DPF3: variants seen among roughly 807,000 people sequenced by gnomAD.
DPF3 encodes double PHD fingers 3, also known as zinc finger protein DPF3.
Under a neutral mutation model 56.8 loss-of-function variants are expected in DPF3, and 18 were observed. The observed-to-expected ratio is 0.32, with a 90% CI of 0.22 to 0.47. The LOEUF is 0.47. Ranked by LOEUF, DPF3 falls within the 20% of genes least tolerant of loss-of-function variation. The pLI is 1.00. For missense variants in DPF3, 403 were observed against 488.8 expected, an observed-to-expected ratio of 0.82 and a Z score of 1.65; for synonymous variants, 188 against 180.2, an observed-to-expected ratio of 1.04 and a Z score of -0.35.
intron 1 of DPF3, among the ~76,000 whole-genome samples, chr14:72,869,774 T>C (rs1262566672): frequency 5.4e-4 from 82 of 152,240 alleles, no homozygotes; most frequent in Non-Finnish European, 8.8e-5. Flanking sequence ...CTATCAGGAC[T>C]CAGAGAGAGA....
chr14:72,703,998 T>C (rs1341285579), intron 6 of DPF3, among the ~76,000 whole-genome samples: 1 of 152,210 alleles, frequency 6.6e-6, no homozygotes, highest in African/African-American at 2.4e-5. Flanking sequence ...TTTTACACAA[T>C]TTCTCATTGA....
intron 1 of DPF3, among the ~76,000 whole-genome samples, chr14:72,794,139 T>C (rs2139988532): frequency 6.6e-6 from 1 of 152,378 alleles, no homozygotes; most frequent in South Asian, 2.1e-4. Flanking sequence ...TTGAACTCTG[T>C]GAGCTTCACT....
chr14:72,762,642 T>C (rs1159400884), intron 2 of DPF3, among the ~76,000 whole-genome samples: 1 of 151,886 alleles, frequency 6.6e-6, no homozygotes, highest in Non-Finnish European at 1.5e-5. Context: ...ATGTCATACT[T>C]AATAACAAAA....
At chr14:72,777,783 C>G (rs984203524) in intron 1 of DPF3, among the ~76,000 whole-genome samples, 1 of 152,136 alleles carries the variant, frequency 6.6e-6, no homozygotes, top group Non-Finnish European at 1.5e-5. Context: ...GCCTCCTCCC[C>G]CTTTGCCTTC....
chr14:72,861,005 C>T (rs1408157090), intron 1 of DPF3, among the ~76,000 whole-genome samples: 1 of 151,122 alleles, frequency 6.6e-6, no homozygotes, highest in African/African-American at 2.4e-5. Context: ...GTAGCCTGTG[C>T]TTTCTTATCT....
chr14:72,693,643 C>T (rs971024687), intron 6 of DPF3, among the ~76,000 whole-genome samples: 1 of 152,144 alleles, frequency 6.6e-6, no homozygotes, highest in Non-Finnish European at 1.5e-5. Context: ...ACGTTGAATT[C>T]AAAGGGCACT....
intron 1 of DPF3, among the ~76,000 whole-genome samples, chr14:72,794,076 A>G (rs754408966): frequency 5.1e-4 from 77 of 152,216 alleles, no homozygotes; most frequent in Non-Finnish European, 1.3e-4. Flanking sequence ...GGGCACTGGC[A>G]TGAGGACACC....
rs1278827674 is a variant in DPF3, at chr14:72,756,888, A to G, written c.194-3517T>C. Among the ~76,000 whole-genome samples, 34 of 109,338 alleles carry G rather than the reference A, an allele frequency of 3.1e-4. 1 individual carries two copies. Among genetic ancestry groups the G allele is most frequent in the African/African-American group, 1.2e-3 (30 of 25,502 alleles). 71.7% of individuals were successfully genotyped at this position (109,338 alleles called of 152,430 possible). A position where few individuals can be genotyped will look rare whatever the true frequency, so the allele number is the denominator to read the frequency against. ...AGAAAGAAAGGAAGGAAAGAAGGAA[A>G]GAAAGAAAGAAAAGAAAAAAAGAAA... On this transcript the variant is annotated intron_variant, in intron 2 of 10. Coordinates refer to ENST00000556509, the MANE Select transcript of DPF3 (RefSeq NM_001280542.3).
intron 1 of DPF3, among the ~76,000 whole-genome samples, chr14:72,849,490 T>A (rs576539236): frequency 6.6e-6 from 1 of 152,302 alleles, no homozygotes; most frequent in African/African-American, 2.4e-5. Context: ...CGGGGCCGCC[T>A]TCCTGCCTGT....
chr14:72,704,522 C>T (rs771914686), intron 6 of DPF3, among the ~76,000 whole-genome samples: 3 of 152,060 alleles, frequency 2.0e-5, no homozygotes, highest in Non-Finnish European at 4.4e-5. Flanking sequence ...GTGTGATTCC[C>T]CACCCCCTGC....
At chr14:72,698,505 CA>C in intron 6 of DPF3, among the ~76,000 whole-genome samples, 1 of 151,442 alleles carries the variant, frequency 6.6e-6, no homozygotes, top group African/African-American at 2.4e-5. Flanking sequence ...ATGGTCTCTA[CA>C]AAAAATACAA....
intron 1 of DPF3, among the ~76,000 whole-genome samples, chr14:72,884,971 T>TATATATATATA (rs10523148): frequency 1.5e-3 from 172 of 111,520 alleles, no homozygotes; most frequent in Middle Eastern, 4.3e-3. Context: ...TATATATATA[T>TATATATATATA]TAGCCGGGCG....
chr14:72,794,085 C>A (rs1365162605), intron 1 of DPF3, among the ~76,000 whole-genome samples: 4 of 152,196 alleles, frequency 2.6e-5, no homozygotes, highest in Non-Finnish European at 4.4e-5. Context: ...CATGAGGACA[C>A]CAGGTTTGAG....
intron 1 of DPF3, among the ~76,000 whole-genome samples, chr14:72,855,268 C>T (rs72732422): frequency 0.045 from 6,794 of 152,244 alleles, 209 homozygotes; most frequent in Middle Eastern, 0.092. Flanking sequence ...GGTTTATTTG[C>T]CATGACAATT....
chr14:72,634,490 C>A (rs1885331937), intron 8 of DPF3, among the ~76,000 whole-genome samples: 2 of 152,076 alleles, frequency 1.3e-5, no homozygotes, highest in African/African-American at 4.8e-5. Context: ...TTCCTAAATG[C>A]TTTGAAAGTA....
intron 9 of DPF3, among the ~76,000 whole-genome samples, chr14:72,623,622 G>A (rs1285774672): frequency 6.6e-6 from 1 of 152,212 alleles, no homozygotes; most frequent in Non-Finnish European, 1.5e-5. Flanking sequence ...TAACATGGTT[G>A]AAAGAAAATA....
chr14:72,826,799 T>C (rs1883822328), intron 1 of DPF3, among the ~76,000 whole-genome samples: 1 of 151,890 alleles, frequency 6.6e-6, no homozygotes, highest in Non-Finnish European at 1.5e-5. Flanking sequence ...TTCCAGCACT[T>C]TGGGAGGCAG....
chr14:72,737,178 CA>C (rs1377770180), intron 3 of DPF3, among the ~76,000 whole-genome samples: 9 of 147,586 alleles, frequency 6.1e-5, no homozygotes, highest in African/African-American at 2.3e-4. Flanking sequence ...CCAAAAAAAG[CA>C]CAAATAAAAG....
intron 1 of DPF3, among the ~76,000 whole-genome samples, chr14:72,810,618 C>T (rs200660571): frequency 7.3e-6 from 1 of 136,702 alleles, no homozygotes; most frequent in African/African-American, 2.7e-5. Context: ...AAGAATAACT[C>T]TAAGAAACAA....
Sources: gnomAD v4.1 joint callset for allele counts (sites outside exome capture counted in the v4.1 genomes callset) on GRCh38, gnomAD v4.1.1 for gene constraint, MANE v1.5 for transcripts, NCBI Gene and HGNC (gene_info 2026-07-23, HGNC 2026-07-21) for gene names.